Variants in KLHL31 observed in about 807,000 individuals in gnomAD.
KLHL31 encodes kelch like family member 31.
A neutral mutation model predicts 47.1 loss-of-function variants in KLHL31; 32 were observed. The observed-to-expected ratio is 0.68, with a 90% CI of 0.51 to 0.91. The LOEUF is 0.91. Among genes scored for constraint, KLHL31 ranks in the 40% least tolerant of loss-of-function variants. KLHL31 has a pLI of 0.00. For synonymous variants in KLHL31, 330 were observed against 325.1 expected, an observed-to-expected ratio of 1.01 and a Z score of -0.16; for missense variants, 797 against 819.3, an observed-to-expected ratio of 0.97 and a Z score of 0.33.
rs891740184 is a variant in KLHL31 at position 53,651,629 on chromosome 6, C to A, written c.1874G>T (p.Ser625Ile). ...PNNVTRESRA[S>I]SVSSVPVSI ...ACTGACTGGCACAGAAGATACCGAA[C>A]TGGCCCGGGATTCCCGAGTCACGTT... Residue 625 changes from serine to isoleucine, a missense_variant, in exon 3 of 3, where the codon AGT becomes ATT. Physicochemically the swap from Ser to Ile is moderately radical, Grantham distance 142. Coordinates refer to ENST00000370905, the MANE Select transcript of KLHL31 (RefSeq NM_001003760.5). 1.9e-6 allele frequency: 3 copies of A among 1,613,962 alleles called. No individual in the cohort carries two copies. The African/African-American group carries it at 4.0e-5, about 22-fold the overall frequency.
In KLHL31 at chr6:53,651,887, C is replaced by A. The variant is rs760796903; in HGVS notation, c.1616G>T (p.Ser539Ile). The A allele has an allele frequency of 1.3e-6, 2 of 1,594,242 alleles. No individual in the cohort carries two copies. The highest frequency in any genetic ancestry group is 1.3e-5 in the African/African-American group (1 of 74,696). Residue 539 changes from serine (S) to isoleucine (I), a missense_variant, in exon 3 of 3, where the codon AGC becomes ATC. Coordinates refer to ENST00000370905, the MANE Select transcript of KLHL31 (RefSeq NM_001003760.5). ...RVDVLTVECYSPATGQWSYAA... is the reference protein window; with the variant it reads ...RVDVLTVECYIPATGQWSYAA... ...GTAGCTCCACTGGCCGGTCGCGGGG[C>A]TGTAGCACTCCACGGTGAGCACGTC...
At chr6:53,654,034 A>C in intron 2 of KLHL31, 67 bp downstream of exon 2, 1 of 1,321,546 alleles carries the variant, frequency 7.6e-7, no homozygotes, top group Non-Finnish European at 1.0e-6. Context: ...AGATTAATTT[A>C]CTTCTATGTT....
intron 1 of KLHL31, among the ~76,000 whole-genome samples, chr6:53,663,094 T>C (rs1412394345): frequency 6.6e-6 from 1 of 152,050 alleles, no homozygotes; most frequent in Admixed American, 6.6e-5. Flanking sequence ...TAAAAAAAAC[T>C]TGTCCAATAT....
intron 1 of KLHL31, among the ~76,000 whole-genome samples, chr6:53,659,261 T>TTTC (rs1561986338): frequency 6.6e-6 from 1 of 152,194 alleles, no homozygotes; most frequent in Non-Finnish European, 1.5e-5. Flanking sequence ...AAAGGGAAGA[T>TTTC]TTCTGGAATG....
intron 1 of KLHL31, among the ~76,000 whole-genome samples, chr6:53,655,937 T>C (rs939571476): frequency 6.6e-6 from 1 of 152,162 alleles, no homozygotes; most frequent in Non-Finnish European, 1.5e-5. Flanking sequence ...TATAGTAGAA[T>C]AGTAGTTAAA....
intron 1 of KLHL31, among the ~76,000 whole-genome samples, chr6:53,657,681 T>C (rs1764584169): frequency 6.7e-6 from 1 of 148,856 alleles, no homozygotes. Flanking sequence ...AATTTCATCC[T>C]GAGGGGTAAA....
chr6:53,656,562 A>ATG (rs981228225), intron 1 of KLHL31, among the ~76,000 whole-genome samples: 3 of 152,148 alleles, frequency 2.0e-5, no homozygotes, highest in Non-Finnish European at 4.4e-5. Flanking sequence ...TATATAGTGT[A>ATG]TGTGTGTGTA....
chr6:53,664,873 C>G (rs1024094511), intron 1 of KLHL31, among the ~76,000 whole-genome samples: 2 of 152,190 alleles, frequency 1.3e-5, no homozygotes, highest in Non-Finnish European at 2.9e-5. Context: ...GGAATAGAAA[C>G]CCTCCTGGCT....
Position 53,651,999 on chromosome 6 carries a change from G to C in KLHL31, c.1504C>G (p.Pro502Ala). Residue 502 changes from proline (P) to alanine (A), a missense_variant, in exon 3 of 3, where the codon CCC (proline) becomes GCC (alanine). Physicochemically the swap from Pro to Ala is conservative, Grantham distance 27. Transcript: ENST00000370905. The part of the protein sequence containing the change: ...SWQELPNLST[P>A]RGWHCAVTLS... Reference sequence around the variant, plus strand: ...GTGACCGCGCAGTGCCAGCCCCGGGGTGTGCTGAGGTTCGGCAGCTCCTGC... The same window carrying C: ...GTGACCGCGCAGTGCCAGCCCCGGGCTGTGCTGAGGTTCGGCAGCTCCTGC... 1 of 1,592,572 alleles carries C rather than the reference G, an allele frequency of 6.3e-7. No individual in the cohort carries two copies.
chr6:53,662,514 A>G (rs1764661864), intron 1 of KLHL31, among the ~76,000 whole-genome samples: 1 of 152,160 alleles, frequency 6.6e-6, no homozygotes, highest in African/African-American at 2.4e-5. Context: ...TCCCTATGCT[A>G]CTGGAGCTAT....
chr6:53,655,280 A>G lies in KLHL31; in HGVS notation c.-8T>C. 6.5e-7 allele frequency: 1 copy of G among 1,539,604 alleles called. No individual in the cohort carries two copies. Among genetic ancestry groups the G allele is most frequent in the Non-Finnish European group, 8.7e-7 (1 of 1,145,634 alleles). On this transcript the variant is annotated 5_prime_UTR_variant, in exon 2 of 3. Coordinates refer to ENST00000370905, the MANE Select transcript of KLHL31 (RefSeq NM_001003760.5). ...CTTCTTTTTGGGTGCCATGTTGGCA[A>G]ATACACTGTTACAGGCAAGAGCTTG...
In KLHL31 at chr6:53,651,938, T is replaced by A. The variant is rs1456602739; in HGVS notation, c.1565A>T (p.Gln522Leu). 1 of 1,590,262 alleles carries A rather than the reference T, an allele frequency of 6.3e-7. No homozygotes were observed. The highest frequency in any genetic ancestry group is 2.3e-5 in the East Asian group (1 of 44,366). The change falls in exon 3 of 3, where the codon CAG (glutamine) becomes CTG (leucine). Residue 522 changes from glutamine (Q) to leucine (L), a missense_variant. By Grantham distance (113) the Gln-to-Leu change is moderately radical. Transcript: ENST00000370905. ...SDRVYVMGGS[Q>L]LGPRGERVDV... ...CACGCGCTCCCCGCGCGGCCCCAGCTGGCTGCCGCCCATCACGTACACTCT... is the reference window on the plus strand; with the variant it reads ...CACGCGCTCCCCGCGCGGCCCCAGCAGGCTGCCGCCCATCACGTACACTCT...
Position 53,651,818 on chromosome 6 carries a change from G to T in KLHL31, c.1685C>A (p.Ala562Glu). 1 of 1,610,868 alleles carries T rather than the reference G, an allele frequency of 6.2e-7. No homozygotes were observed. Among genetic ancestry groups the T allele is most frequent in the Non-Finnish European group, 8.5e-7 (1 of 1,179,538 alleles). The change falls in exon 3 of 3, where the codon GCG becomes GAG. Residue 562 changes from alanine (A) to glutamate (E), a missense_variant. Coordinates refer to ENST00000370905, the MANE Select transcript of KLHL31 (RefSeq NM_001003760.5). ...CACCAGGTAGGCGCGGCCATGCAGC[G>T]CCGAGACGCCCGCAGTGCTCACTCC... The part of the protein sequence containing the change: ...QVGVSTAGVS[A>E]LHGRAYLVGG...
chr6:53,655,994 A>C (rs552094709), intron 1 of KLHL31, among the ~76,000 whole-genome samples: 1 of 152,276 alleles, frequency 6.6e-6, no homozygotes, highest in South Asian at 2.1e-4. Context: ...GTGAATTATA[A>C]ACACTCTGAA....
rs1287026681 is a variant in KLHL31, at chr6:53,665,682, T to C, written c.-115A>G. The C allele has an allele frequency of 2.6e-5, 4 of 152,018 alleles. No individual in the cohort carries two copies. Among genetic ancestry groups the C allele is most frequent in the Non-Finnish European group, 4.4e-5 (3 of 68,108 alleles). The allele number at this position is 152,018 out of a possible 1,614,324, so 9.4% of individuals were successfully genotyped here. On this transcript the variant is annotated 5_prime_UTR_variant, in exon 1 of 3. Coordinates refer to ENST00000370905, the MANE Select transcript of KLHL31 (RefSeq NM_001003760.5). ...CCTCTTGGGAAGGGATCTGTGGAGA[T>C]AGAGAGAGGGAGAAGGAAAATCCGG... is the stretch of plus-strand genomic sequence containing the variant.
At position 53,651,948 on chromosome 6, in the gene KLHL31, C is replaced by A; in HGVS notation, c.1555G>T (p.Gly519Cys). The change falls in exon 3 of 3, where the codon GGC (glycine) becomes TGC (cysteine). Residue 519 changes from glycine to cysteine, a missense_variant. By Grantham distance (159) the Gly-to-Cys change is radical. Transcript: ENST00000370905. The stretch of plus-strand genomic sequence containing the variant: ...CCGCGCGGCCCCAGCTGGCTGCCGC[C>A]CATCACGTACACTCTGTCGCTCAGC... ...VTLSDRVYVM[G>C]GSQLGPRGER... 6.3e-7 allele frequency: 1 copy of A among 1,592,404 alleles called. No individual in the cohort carries two copies. Among genetic ancestry groups the A allele is most frequent in the Non-Finnish European group, 8.5e-7 (1 of 1,175,814 alleles).
At chr6:53,664,724 G>A (rs371125940) in intron 1 of KLHL31, among the ~76,000 whole-genome samples, 2 of 152,204 alleles carry the variant, frequency 1.3e-5, no homozygotes, top group African/African-American at 2.4e-5. Flanking sequence ...GTGCTAAAGT[G>A]TCACTGTCAC....
rs759076475 is a variant in KLHL31, at chr6:53,651,399, TA to T, written c.*198del. On this transcript the variant is annotated 3_prime_UTR_variant, in exon 3 of 3. Coordinates refer to ENST00000370905, the MANE Select transcript of KLHL31 (RefSeq NM_001003760.5). ...TGTTGGCCATTGCCCTGTATTTTGCTAAAAAAAAAAAAAAAAAAAAGAGGTA... is the reference window on the plus strand; with the variant it reads ...TGTTGGCCATTGCCCTGTATTTTGCTAAAAAAAAAAAAAAAAAAAGAGGTA... 663 of 67,438 alleles carry T rather than the reference TA, an allele frequency of 9.8e-3. 23 individuals carry two copies. Among genetic ancestry groups the T allele is most frequent in the Non-Finnish European group, 0.013 (488 of 37,836 alleles). 4.2% of individuals were successfully genotyped at this position (67,438 alleles called of 1,614,324 possible).
At chr6:53,661,566 A>C (rs1764646348) in intron 1 of KLHL31, among the ~76,000 whole-genome samples, 1 of 152,242 alleles carries the variant, frequency 6.6e-6, no homozygotes, top group Non-Finnish European at 1.5e-5. Context: ...AATTTAATTC[A>C]CTTCAATTTA....
Sources: allele counts gnomAD v4.1 joint callset (sites outside exome capture counted in the v4.1 genomes callset), GRCh38; gene constraint gnomAD v4.1.1; transcripts MANE v1.5; gene names NCBI Gene and HGNC (gene_info 2026-07-23, HGNC 2026-07-21).